Variants in GALNT13 observed in about 807,000 individuals in gnomAD.
GALNT13 encodes the protein polypeptide N-acetylgalactosaminyltransferase 13, also known as UDP-GalNAc:polypeptide N-acetylgalactosaminyltransferase 13.
Under a neutral mutation model 64.2 loss-of-function variants are expected in GALNT13, and 28 were observed. The observed-to-expected ratio is 0.44, with a 90% CI of 0.32 to 0.60. GALNT13 has a LOEUF of 0.60. Ranked by LOEUF, GALNT13 falls within the 20% of genes least tolerant of loss-of-function variation. GALNT13 has a pLI of 0.05. For missense variants in GALNT13, 577 were observed against 669.8 expected, an observed-to-expected ratio of 0.86 and a Z score of 1.53; for synonymous variants, 214 against 224.6, an observed-to-expected ratio of 0.95 and a Z score of 0.42.
chr2:153,985,670 G>A (rs1200958863), intron 3 of GALNT13, among the ~76,000 whole-genome samples: 1 of 151,848 alleles, frequency 6.6e-6, no homozygotes, highest in African/African-American at 2.4e-5. Flanking sequence ...TACATTAATG[G>A]GCTTGCTTCT....
the GALNT13 span, among the ~76,000 whole-genome samples, chr2:153,591,959 A>G: frequency 3.9e-5 from 6 of 152,146 alleles, 1 homozygote; most frequent in Admixed American, 6.5e-5. Flanking sequence ...AGAATTTACA[A>G]GAAACTCAAA....
chr2:153,899,916 C>CATAT (rs869097034), intron 1 of GALNT13, among the ~76,000 whole-genome samples: 34 of 125,308 alleles, frequency 2.7e-4, no homozygotes, highest in Non-Finnish European at 4.5e-4. Flanking sequence ...GAGATATATA[C>CATAT]ATATATATAT....
the GALNT13 span, among the ~76,000 whole-genome samples, chr2:153,654,865 A>G: frequency 3.3e-5 from 5 of 152,246 alleles, no homozygotes; most frequent in East Asian, 9.7e-4. Flanking sequence ...CATGGATACC[A>G]AAGAATAACT....
At chr2:153,473,901 G>A in the GALNT13 span, among the ~76,000 whole-genome samples, 3 of 152,150 alleles carry the variant, frequency 2.0e-5, no homozygotes, top group Admixed American at 6.6e-5. Flanking sequence ...GTCTGAATGC[G>A]TACCTAGAAG....
chr2:153,532,281 A>G, the GALNT13 span, among the ~76,000 whole-genome samples: 67 of 152,224 alleles, frequency 4.4e-4, 1 homozygote, highest in Admixed American at 4.1e-3. Context: ...ACCACATGGA[A>G]GCCACCCCTC....
chr2:154,158,210 C>G lies in GALNT13; in HGVS notation c.311+17705C>G, dbSNP rs142777977. Among the ~76,000 whole-genome samples the G allele has an allele frequency of 4.8e-4, 73 of 152,276 alleles. No individual in the cohort carries two copies. In the East Asian group the frequency reaches 0.013, roughly 26 times the overall value. The stretch of plus-strand genomic sequence containing the variant: ...CTTAAGCACCAGATAGTCCCAAACT[C>G]AGCACCAGATAGTCCCCACAAAGCC... On this transcript the variant is annotated intron_variant, in intron 4 of 12. Transcript: ENST00000392825.
At chr2:153,631,307 A>T in the GALNT13 span, among the ~76,000 whole-genome samples, 1 of 152,126 alleles carries the variant, frequency 6.6e-6, no homozygotes, top group Non-Finnish European at 1.5e-5. Flanking sequence ...ATGATTTATA[A>T]TCGTTTGGGT....
At chr2:153,770,851 G>T in the GALNT13 span, among the ~76,000 whole-genome samples, 23 of 152,322 alleles carry the variant, frequency 1.5e-4, no homozygotes, top group Non-Finnish European at 3.2e-4. Flanking sequence ...CAAATGGTAG[G>T]CATAGGCACC....
chr2:153,580,825 C>T, the GALNT13 span, among the ~76,000 whole-genome samples: 57 of 152,028 alleles, frequency 3.7e-4, no homozygotes, highest in African/African-American at 1.4e-3. Context: ...AGTTGAAGTA[C>T]CAACATATAC....
chr2:153,389,145 A>T, the GALNT13 span, among the ~76,000 whole-genome samples: 1 of 152,106 alleles, frequency 6.6e-6, no homozygotes, highest in Non-Finnish European at 1.5e-5. Flanking sequence ...ATACTTGCAT[A>T]AGAGTCTCCA....
At chr2:153,540,137 C>T in the GALNT13 span, among the ~76,000 whole-genome samples, 4 of 152,198 alleles carry the variant, frequency 2.6e-5, no homozygotes, top group Non-Finnish European at 5.9e-5. Flanking sequence ...GTTCTGTGGG[C>T]CTGGTCCAGG....
At chr2:153,727,385 A>C in the GALNT13 span, among the ~76,000 whole-genome samples, 1 of 152,176 alleles carries the variant, frequency 6.6e-6, no homozygotes, top group Non-Finnish European at 1.5e-5. Context: ...TATCCATTCT[A>C]CTGTTGATGC....
At chr2:153,949,245 A>C (rs1239224978) in intron 3 of GALNT13, among the ~76,000 whole-genome samples, 1 of 152,164 alleles carries the variant, frequency 6.6e-6, no homozygotes, top group African/African-American at 2.4e-5. Flanking sequence ...TGCACTTCTC[A>C]GAACACTTCC....
At chr2:153,576,646 G>A in the GALNT13 span, among the ~76,000 whole-genome samples, 1 of 152,210 alleles carries the variant, frequency 6.6e-6, no homozygotes, top group African/African-American at 2.4e-5. Flanking sequence ...GATGGCACCT[G>A]CAATTCAATA....
the GALNT13 span, among the ~76,000 whole-genome samples, chr2:153,100,954 G>C: frequency 6.6e-6 from 1 of 152,050 alleles, no homozygotes; most frequent in Non-Finnish European, 1.5e-5. Context: ...GCTGGAACCC[G>C]AGAGGCAGAG....
intron 3 of GALNT13, among the ~76,000 whole-genome samples, chr2:153,996,410 G>T (rs945397354): frequency 6.6e-6 from 1 of 151,856 alleles, no homozygotes. Context: ...GTTTTTATTT[G>T]CATTTCTTTT....
intron 4 of GALNT13, among the ~76,000 whole-genome samples, chr2:154,186,363 A>G (rs183162129): frequency 6.4e-4 from 98 of 152,216 alleles, no homozygotes; most frequent in African/African-American, 2.4e-3. Flanking sequence ...TTAGGCAACC[A>G]TTATATTTAC....
At chr2:153,189,200 T>C in the GALNT13 span, among the ~76,000 whole-genome samples, 1 of 152,134 alleles carries the variant, frequency 6.6e-6, no homozygotes. Context: ...TTCACCCACC[T>C]TTCTTATTCC....
At chr2:153,718,310 G>C in the GALNT13 span, among the ~76,000 whole-genome samples, 3 of 151,842 alleles carry the variant, frequency 2.0e-5, no homozygotes, top group African/African-American at 7.3e-5. Flanking sequence ...CCAAAGCCAG[G>C]ACACAAAGTA....
Sources: allele counts gnomAD v4.1 joint callset (sites outside exome capture counted in the v4.1 genomes callset), GRCh38; gene constraint gnomAD v4.1.1; transcripts MANE v1.5; gene names NCBI Gene and HGNC (gene_info 2026-07-23, HGNC 2026-07-21).